Variants in RPS6KA2 observed in about 807,000 individuals in gnomAD.
RPS6KA2 encodes the protein ribosomal protein S6 kinase A2.
Under a neutral mutation model 91.8 loss-of-function variants are expected in RPS6KA2, and 42 were observed. That is an observed-to-expected ratio of 0.46 (90% confidence interval 0.36 to 0.59). The LOEUF is 0.59. RPS6KA2 is among the 20% of genes least tolerant of loss of function. The pLI is 0.00. For missense variants in RPS6KA2, 798 were observed against 978.5 expected, an observed-to-expected ratio of 0.82 and a Z score of 2.46; for synonymous variants, 414 against 393.6, an observed-to-expected ratio of 1.05 and a Z score of -0.61.
rs541783263 is a variant in RPS6KA2, at chr6:166,453,949, G to T, written c.1076-2716C>A. On this transcript the variant is annotated intron_variant, in intron 12 of 20. Transcript: ENST00000265678. ...TTATTTTAAGTGAAACAACTCACAC[G>T]TGGAAAGTCAAACATCGCATGTTCT... 8.1e-4 allele frequency among the ~76,000 whole-genome samples: 124 copies of T among 152,336 alleles called. 1 individual carries two copies. Among genetic ancestry groups the T allele is most frequent in the Non-Finnish European group, 1.6e-3 (108 of 68,034 alleles).
intron 14 of RPS6KA2, among the ~76,000 whole-genome samples, chr6:166,447,216 G>A (rs1779709342): frequency 6.6e-6 from 1 of 152,152 alleles, no homozygotes; most frequent in Non-Finnish European, 1.5e-5. Flanking sequence ...CACACCACGG[G>A]TGGACATTCT....
Position 166,500,763 on chromosome 6 carries a change from T to C in RPS6KA2, c.604+124A>G. ...TGTAGCTATAGAAAATTCTGCCAAA[T>C]CAGAGACAAGCATCTGGCAAAGGGA... On this transcript the variant is annotated intron_variant, in intron 7 of 20. Coordinates refer to ENST00000265678, the MANE Select transcript of RPS6KA2 (RefSeq NM_021135.6). The surrounding 1 kb of genome is among the most constrained non-coding windows in gnomAD (Gnocchi z 4.3). The C allele has an allele frequency of 1.1e-6, 1 of 882,704 alleles. No individual in the cohort carries two copies. Among genetic ancestry groups the C allele is most frequent in the South Asian group, 1.5e-5 (1 of 67,696 alleles). The allele number at this position is 882,704 out of a possible 1,614,324, so 54.7% of individuals were successfully genotyped here. A position where few individuals can be genotyped will look rare whatever the true frequency, so the allele number is the denominator to read the frequency against.
chr6:166,464,499 T>C (rs970253586), intron 11 of RPS6KA2, among the ~76,000 whole-genome samples: 4 of 152,150 alleles, frequency 2.6e-5, no homozygotes, highest in Non-Finnish European at 5.9e-5. Context: ...AACAAAGATG[T>C]CCCTCCCTGG....
intron 2 of RPS6KA2, among the ~76,000 whole-genome samples, chr6:166,823,221 T>C (rs907432543): frequency 2.0e-5 from 3 of 152,218 alleles, no homozygotes; most frequent in Non-Finnish European, 4.4e-5. Flanking sequence ...GTCCAGTTTC[T>C]TTAACAAGGC....
chr6:166,605,421 G>A (rs1785915957), intron 1 of RPS6KA2, among the ~76,000 whole-genome samples: 1 of 152,078 alleles, frequency 6.6e-6, no homozygotes, highest in Non-Finnish European at 1.5e-5. Flanking sequence ...TGAAAGTTCT[G>A]CTTGATGCTT....
intron 2 of RPS6KA2, among the ~76,000 whole-genome samples, chr6:166,678,523 T>C (rs1250403888): frequency 2.6e-5 from 4 of 152,268 alleles, no homozygotes; most frequent in Non-Finnish European, 5.9e-5. Context: ...TTCTCTCTTT[T>C]ATTTCACAGA....
chr6:166,795,024 TA>T (rs953708597), intron 2 of RPS6KA2, among the ~76,000 whole-genome samples: 5 of 151,720 alleles, frequency 3.3e-5, no homozygotes, highest in South Asian at 2.1e-4. Context: ...AATAAATAAA[TA>T]AAAAATAAAA....
chr6:166,416,010 C>T (rs60009633), intron 19 of RPS6KA2, among the ~76,000 whole-genome samples: 34 of 32,528 alleles, frequency 1.0e-3, no homozygotes, highest in East Asian at 3.9e-3. Context: ...CTCCATCACC[C>T]CCACCATTAC....
At chr6:166,606,259 A>C (rs1353092045) in intron 1 of RPS6KA2, among the ~76,000 whole-genome samples, 1 of 152,234 alleles carries the variant, frequency 6.6e-6, no homozygotes, top group African/African-American at 2.4e-5. Context: ...ACGAGAGGTA[A>C]AATGATTTCC....
At chr6:166,759,293 T>G (rs1778105368) in intron 2 of RPS6KA2, among the ~76,000 whole-genome samples, 1 of 152,210 alleles carries the variant, frequency 6.6e-6, no homozygotes. Context: ...TGCCATTATA[T>G]ACACATTTTT....
chr6:166,448,238 C>T lies in RPS6KA2; in HGVS notation c.1332+486G>A, dbSNP rs1779741915. On this transcript the variant is annotated intron_variant, in intron 14 of 20. Transcript: ENST00000265678. This position sits in a 1 kb window ranked among gnomAD's most constrained non-coding sequence, Gnocchi z 4.7. ...ATTTATTTCTTTGAGTATTTTCTTC[C>T]TCCCTTTTTTCTTTCCTTCCTTTCC... Among the ~76,000 whole-genome samples, 1 of 152,110 alleles carries T rather than the reference C, an allele frequency of 6.6e-6. No homozygotes were observed. The highest frequency in any genetic ancestry group is 2.4e-5 in the African/African-American group (1 of 41,410).
chr6:166,675,992 G>A (rs1400987491), intron 2 of RPS6KA2, among the ~76,000 whole-genome samples: 2 of 152,162 alleles, frequency 1.3e-5, no homozygotes, highest in Non-Finnish European at 2.9e-5. Flanking sequence ...AACAGGCTTC[G>A]CCGTAAGGGA....
chr6:166,705,257 C>T (rs1789648360), intron 2 of RPS6KA2, among the ~76,000 whole-genome samples: 1 of 152,232 alleles, frequency 6.6e-6, no homozygotes, highest in Admixed American at 6.5e-5. Flanking sequence ...GTTTCCCATA[C>T]CCAATCTATC....
At chr6:166,519,816 G>C (rs899635913) in intron 3 of RPS6KA2, among the ~76,000 whole-genome samples, 28 of 152,154 alleles carry the variant, frequency 1.8e-4, no homozygotes, top group African/African-American at 6.8e-4. Context: ...ATTTTTAAAT[G>C]ATCTCCACCA....
intron 2 of RPS6KA2, among the ~76,000 whole-genome samples, chr6:166,686,973 T>G (rs1453487949): frequency 6.6e-6 from 1 of 152,216 alleles, no homozygotes. Context: ...ACTGACTGGG[T>G]GCAGGGCAGA....
intron 3 of RPS6KA2, among the ~76,000 whole-genome samples, chr6:166,521,874 G>A (rs1438956764): frequency 6.6e-6 from 1 of 152,220 alleles, no homozygotes; most frequent in Non-Finnish European, 1.5e-5. Context: ...AACCCCCAGT[G>A]TGATGGTTTT....
In RPS6KA2 at chr6:166,662,099, A is replaced by T. The variant is rs1176861492; in HGVS notation, c.124-123315T>A. 6.6e-6 allele frequency among the ~76,000 whole-genome samples: 1 copy of T among 152,248 alleles called. No homozygotes were observed. The highest frequency in any genetic ancestry group is 2.4e-5 in the African/African-American group (1 of 41,466). ...AAGTGAGTAAAGATAGGGGTTGTTT[A>T]TCATATTATGAATATTTCTTAATTT... On this transcript the variant is annotated intron_variant, in intron 2 of 21. Transcript: ENST00000503859. The surrounding 1 kb of genome is among the most constrained non-coding windows in gnomAD (Gnocchi z 4.3).
chr6:166,419,756 G>T lies in RPS6KA2; in HGVS notation c.1820+126C>A. On this transcript the variant is annotated intron_variant, in intron 18 of 20. Transcript: ENST00000265678. This position sits in a 1 kb window ranked among gnomAD's most constrained non-coding sequence, Gnocchi z 5.6. ...GTTCACTCAAGGCCTGGGAGTGTTT[G>T]CATACACGTTGGGTTTGCCCACATG... The T allele has an allele frequency of 1.4e-6, 1 of 726,336 alleles. No individual in the cohort carries two copies. The allele number at this position is 726,336 out of a possible 1,614,324, so 45.0% of individuals were successfully genotyped here.
intron 1 of RPS6KA2, among the ~76,000 whole-genome samples, chr6:166,573,828 AAGTT>A (rs1028267263): frequency 1.3e-5 from 2 of 152,206 alleles, no homozygotes; most frequent in African/African-American, 2.4e-5. Context: ...GTTTTGAAAA[AAGTT>A]AGAGAGAACT....
Sources: allele counts gnomAD v4.1 joint callset (sites outside exome capture counted in the v4.1 genomes callset), GRCh38; gene constraint gnomAD v4.1.1; non-coding constraint Gnocchi (gnomAD v3.1); transcripts MANE v1.5; gene names NCBI Gene and HGNC (gene_info 2026-07-23, HGNC 2026-07-21).